Variants in ZFHX3 observed in about 807,000 individuals in gnomAD.
ZFHX3 encodes the protein zinc finger homeobox 3.
ZFHX3 carries 42 observed loss-of-function variants against 279.1 expected under a neutral mutation model. That is an observed-to-expected ratio of 0.15 (90% CI 0.12 to 0.19). ZFHX3 has a LOEUF of 0.19. Among genes scored for constraint, ZFHX3 ranks in the 10% least tolerant of loss-of-function variants. The pLI is 1.00. For synonymous variants in ZFHX3, 2,293 were observed against 1,957.8 expected (o/e 1.17, Z -4.52); for missense variants, 4,981 against 4,754.0 (o/e 1.05, Z -1.40).
At chr16:72,988,365 T>C (rs529643851) in intron 1 of ZFHX3, among the ~76,000 whole-genome samples, 79 of 152,314 alleles carry the variant, frequency 5.2e-4, no homozygotes, top group African/African-American at 1.8e-3. Flanking sequence ...GAAGGGTGCA[T>C]GCTTAGCTGG....
intron 4 of ZFHX3, among the ~76,000 whole-genome samples, chr16:73,299,822 T>A (rs2015010310): frequency 1.3e-5 from 2 of 152,168 alleles, no homozygotes; most frequent in Admixed American, 6.5e-5. Flanking sequence ...TGCTTCTAAG[T>A]CAATTCTCCA....
chr16:73,500,929 T>C (rs1340175173), intron 2 of ZFHX3, among the ~76,000 whole-genome samples: 2 of 152,246 alleles, frequency 1.3e-5, no homozygotes, highest in African/African-American at 4.8e-5. Context: ...ATGCTTACAG[T>C]CTACAGTAGT....
At chr16:73,139,850 C>T (rs537112244) in intron 6 of ZFHX3, among the ~76,000 whole-genome samples, 1 of 152,346 alleles carries the variant, frequency 6.6e-6, no homozygotes, top group South Asian at 2.1e-4. Context: ...AGAAAAGTTT[C>T]AGGACCTGAG....
At position 73,383,556 on chromosome 16, in the gene ZFHX3, A is replaced by C. The variant is rs563949077; in HGVS notation, c.-1290-65220T>G. Among the ~76,000 whole-genome samples, 4 of 152,320 alleles carry C rather than the reference A, an allele frequency of 2.6e-5. No homozygotes were observed. In the East Asian group the frequency reaches 7.7e-4, roughly 29 times the overall value. On this transcript the variant is annotated intron_variant, in intron 3 of 17. Transcript: ENST00000641206. The stretch of plus-strand genomic sequence containing the variant: ...TTTTCTGCAAAGGGAAGAGAATAGC[A>C]TCACCGCAGAGGGACCCCGCATCCA...
intron 4 of ZFHX3, among the ~76,000 whole-genome samples, chr16:72,864,088 G>A (rs117031117): frequency 0.029 from 4,386 of 152,002 alleles, 462 homozygotes; most frequent in East Asian, 0.19. Flanking sequence ...CTTGCAGTCC[G>A]GCCTGGGCGA....
In ZFHX3 at chr16:73,651,219, T is replaced by G. The variant is rs1200263705; in HGVS notation, c.-1547+28961A>C. 5.0e-5 allele frequency among the ~76,000 whole-genome samples: 7 copies of G among 140,204 alleles called. No individual in the cohort carries two copies. In the East Asian group the frequency reaches 1.6e-3, roughly 32 times the overall value. 92.0% of individuals were successfully genotyped at this position (140,204 alleles called of 152,430 possible). On this transcript the variant is annotated intron_variant, in intron 2 of 17. Transcript: ENST00000641206. ...AATGGGAGTATTAGTCAGATGAAATTATCCAGAATACGAGGAGAAAAAAAA... is the reference window on the plus strand; with the variant it reads ...AATGGGAGTATTAGTCAGATGAAATGATCCAGAATACGAGGAGAAAAAAAA...
chr16:73,443,998 G>A (rs768528823), intron 3 of ZFHX3, among the ~76,000 whole-genome samples: 5 of 152,028 alleles, frequency 3.3e-5, no homozygotes, highest in Non-Finnish European at 7.4e-5. Flanking sequence ...TGGGCCCAAG[G>A]AACCATCCCA....
At chr16:73,760,648 C>T (rs946185875) in intron 1 of ZFHX3, among the ~76,000 whole-genome samples, 5 of 152,040 alleles carry the variant, frequency 3.3e-5, no homozygotes, top group East Asian at 1.9e-4. Context: ...GCTTGATTGC[C>T]GGGATGCAAG....
At chr16:73,591,930 T>C (rs1208387116) in intron 2 of ZFHX3, among the ~76,000 whole-genome samples, 3 of 151,902 alleles carry the variant, frequency 2.0e-5, no homozygotes, top group African/African-American at 4.8e-5. Flanking sequence ...GGTGTGGCTA[T>C]ATTTTGTAAA....
intron 2 of ZFHX3, among the ~76,000 whole-genome samples, chr16:73,631,925 T>TCACACA (rs1253240451): frequency 2.6e-4 from 24 of 90,946 alleles, no homozygotes; most frequent in African/African-American, 8.1e-4. Flanking sequence ...TCTCTCTCTC[T>TCACACA]CTCACACACA....
intron 2 of ZFHX3, among the ~76,000 whole-genome samples, chr16:73,463,938 C>T (rs74469540): frequency 0.027 from 4,039 of 152,250 alleles, 73 homozygotes; most frequent in Non-Finnish European, 0.041. Flanking sequence ...GGTCAGTGAA[C>T]TTATTTATTA....
chr16:73,269,471 C>T (rs1405671287), intron 4 of ZFHX3, among the ~76,000 whole-genome samples: 1 of 150,896 alleles, frequency 6.6e-6, no homozygotes, highest in East Asian at 1.9e-4. Flanking sequence ...CCTTTGAGAT[C>T]CATCTATGTT....
intron 4 of ZFHX3, among the ~76,000 whole-genome samples, chr16:73,281,842 C>T (rs185679678): frequency 7.9e-5 from 12 of 152,220 alleles, no homozygotes; most frequent in African/African-American, 2.6e-4. Flanking sequence ...TTGTGAAACA[C>T]ACTAATCAGA....
At chr16:73,682,876 A>T (rs891339124) in intron 1 of ZFHX3, among the ~76,000 whole-genome samples, 11 of 28,426 alleles carry the variant, frequency 3.9e-4, no homozygotes, top group Non-Finnish European at 2.8e-4. Flanking sequence ...GAAAGAAAGA[A>T]AGAAAGAAAG....
intron 1 of ZFHX3, among the ~76,000 whole-genome samples, chr16:73,800,989 T>C (rs182115776): frequency 7.9e-5 from 12 of 152,256 alleles, no homozygotes; most frequent in Non-Finnish European, 1.3e-4. Flanking sequence ...CTCCTCCCTT[T>C]AGAGTGCAAT....
At position 73,523,671 on chromosome 16, in the gene ZFHX3, A is replaced by G. The variant is rs185487759; in HGVS notation, c.-1546-67413T>C. 1.8e-3 allele frequency among the ~76,000 whole-genome samples: 280 copies of G among 151,756 alleles called. 3 individuals are homozygous for G. Among genetic ancestry groups the G allele is most frequent in the African/African-American group, 6.3e-3 (260 of 41,356 alleles). The stretch of plus-strand genomic sequence containing the variant: ...TATTCTGAAGGAAAGAAAGGCAAAT[A>G]AAGAAAATAAAGGAGATGGATAAAG... On this transcript the variant is annotated intron_variant, in intron 2 of 17. Coordinates refer to the ZFHX3 transcript ENST00000641206.
intron 3 of ZFHX3, among the ~76,000 whole-genome samples, chr16:72,897,299 G>A (rs1318672977): frequency 6.6e-6 from 1 of 152,208 alleles, no homozygotes; most frequent in Non-Finnish European, 1.5e-5. Flanking sequence ...AACCTGGTGA[G>A]AGGGATGGGG....
At chr16:73,706,411 G>A (rs975843786) in intron 1 of ZFHX3, among the ~76,000 whole-genome samples, 1 of 147,406 alleles carries the variant, frequency 6.8e-6, no homozygotes, top group African/African-American at 2.5e-5. Flanking sequence ...AGCCTAGATC[G>A]CACCACTGCA....
At chr16:73,663,857 T>C (rs895595639) in intron 2 of ZFHX3, among the ~76,000 whole-genome samples, 1 of 152,150 alleles carries the variant, frequency 6.6e-6, no homozygotes. Flanking sequence ...TTCTTTCTCA[T>C]TGGAGCAATT....
Sources: allele counts gnomAD v4.1 joint callset (sites outside exome capture counted in the v4.1 genomes callset), GRCh38; gene constraint gnomAD v4.1.1; transcripts MANE v1.5; gene names NCBI Gene and HGNC (gene_info 2026-07-23, HGNC 2026-07-21).